Variants in RAB3GAP1 observed in about 807,000 individuals in gnomAD.
The protein encoded by RAB3GAP1 is rab3 GTPase-activating protein catalytic subunit.
Under a neutral mutation model 130.7 loss-of-function variants are expected in RAB3GAP1, and 86 were observed. The observed-to-expected ratio is 0.66, with a 90% CI of 0.55 to 0.79. RAB3GAP1 has a LOEUF of 0.79. RAB3GAP1 is among the 30% of genes least tolerant of loss of function. The pLI is 0.00. For missense variants in RAB3GAP1, 1,029 were observed against 1,169.4 expected, an observed-to-expected ratio of 0.88 and a Z score of 1.75; for synonymous variants, 367 against 401.7, an observed-to-expected ratio of 0.91 and a Z score of 1.03.
chr2:135,159,656 G>T (rs553055305), intron 19 of RAB3GAP1, among the ~76,000 whole-genome samples: 37 of 152,304 alleles, frequency 2.4e-4, no homozygotes, highest in African/African-American at 8.9e-4. Flanking sequence ...AATGACATTA[G>T]ATAAAAACTA....
chr2:135,165,980 T>C (rs867782648), intron 23 of RAB3GAP1, among the ~76,000 whole-genome samples: 19 of 152,162 alleles, frequency 1.2e-4, no homozygotes, highest in Admixed American at 3.3e-4. Context: ...AAGACCAGCC[T>C]GGCCAATGTG....
At chr2:135,136,287 C>T (rs2104952980) in intron 17 of RAB3GAP1, among the ~76,000 whole-genome samples, 1 of 152,202 alleles carries the variant, frequency 6.6e-6, no homozygotes, top group East Asian at 1.9e-4. Flanking sequence ...GATTGCACCA[C>T]TGCACTCCAG....
chr2:135,122,629 T>C (rs1433398422), intron 8 of RAB3GAP1, among the ~76,000 whole-genome samples: 1 of 152,214 alleles, frequency 6.6e-6, no homozygotes, highest in Non-Finnish European at 1.5e-5. Flanking sequence ...ACTGAACATA[T>C]AATATGGATG....
In RAB3GAP1 at chr2:135,091,110, G is replaced by C. The variant is rs754313635; in HGVS notation, c.263G>C (p.Gly88Ala). ...YLVQESTDKE[G>A]KDELLEDVVP... ...GTACAAGAGTCCACTGATAAAGAAG[G>C]AAAGGATGAGTTATTAGAGGGTAAG... Residue 88 changes from glycine to alanine, a missense_variant, in exon 4 of 24, where the codon GGA becomes GCA. Gly to Ala is a moderately conservative substitution (Grantham distance 60). Coordinates refer to ENST00000264158, the MANE Select transcript of RAB3GAP1 (RefSeq NM_012233.3). The C allele has an allele frequency of 1.3e-6, 2 of 1,594,678 alleles. No individual in the cohort carries two copies. Among genetic ancestry groups the C allele is most frequent in the Non-Finnish European group, 1.7e-6 (2 of 1,162,710 alleles).
intron 23 of RAB3GAP1, among the ~76,000 whole-genome samples, chr2:135,166,525 T>A (rs1320482638): frequency 1.3e-5 from 2 of 152,036 alleles, no homozygotes; most frequent in African/African-American, 2.4e-5. Context: ...ATTTTTATAT[T>A]TTTTGTAGGG....
chr2:135,060,256 A>ATTTTTTT (rs60562266), intron 3 of RAB3GAP1, among the ~76,000 whole-genome samples: 39 of 109,856 alleles, frequency 3.6e-4, no homozygotes, highest in African/African-American at 6.4e-4. Flanking sequence ...TAACTGCTTG[A>ATTTTTTT]TTTTTTTTTT....
At chr2:135,129,811 A>G (rs1321950410) in intron 11 of RAB3GAP1, among the ~76,000 whole-genome samples, 184 bp from the exon 12 acceptor site, 1 of 152,196 alleles carries the variant, frequency 6.6e-6, no homozygotes, top group African/African-American at 2.4e-5. Flanking sequence ...ATGGAGAGAA[A>G]GAAAAGAACA....
At chr2:135,159,617 G>T (rs948408874) in intron 19 of RAB3GAP1, among the ~76,000 whole-genome samples, 5 of 152,216 alleles carry the variant, frequency 3.3e-5, no homozygotes, top group Admixed American at 6.5e-5. Context: ...ACATAATGTG[G>T]TATCTTGAAG....
intron 17 of RAB3GAP1, among the ~76,000 whole-genome samples, chr2:135,148,873 C>T (rs979721533): frequency 6.6e-6 from 1 of 151,948 alleles, no homozygotes; most frequent in African/African-American, 2.4e-5. Context: ...TTTCTGTTTG[C>T]TGCTTGGTAG....
intron 2 of RAB3GAP1, among the ~76,000 whole-genome samples, chr2:135,056,608 C>G (rs1029958296): frequency 6.6e-6 from 1 of 152,148 alleles, no homozygotes; most frequent in African/African-American, 2.4e-5. Flanking sequence ...AAGGTAACTT[C>G]CAGTTTTTTT....
intron 5 of RAB3GAP1, among the ~76,000 whole-genome samples, chr2:135,104,699 AAAAT>A (rs59733454): frequency 0.017 from 2,487 of 148,838 alleles, 24 homozygotes; most frequent in Non-Finnish European, 0.018. Flanking sequence ...CTAAAAATAC[AAAAT>A]AAATAAATAA....
chr2:135,056,603 A>G (rs1689018986), intron 2 of RAB3GAP1, among the ~76,000 whole-genome samples: 1 of 152,212 alleles, frequency 6.6e-6, no homozygotes, highest in South Asian at 2.1e-4. Flanking sequence ...GCATTAAGGT[A>G]ACTTCCAGTT....
chr2:135,162,477 G>A, intron 19 of RAB3GAP1, 78 bp from the exon 20 acceptor site: 1 of 1,085,030 alleles, frequency 9.2e-7, no homozygotes, highest in Non-Finnish European at 1.4e-6. Context: ...GAGTGGCTGA[G>A]GATTTGCACT....
intron 5 of RAB3GAP1, among the ~76,000 whole-genome samples, chr2:135,098,143 C>T (rs768162340): frequency 6.6e-6 from 1 of 152,078 alleles, no homozygotes; most frequent in African/African-American, 2.4e-5. Context: ...TTTATATCTT[C>T]TCTGTATTAA....
At chr2:135,151,329 C>A (rs1407759851) in intron 18 of RAB3GAP1, among the ~76,000 whole-genome samples, 1 of 152,198 alleles carries the variant, frequency 6.6e-6, no homozygotes, top group Non-Finnish European at 1.5e-5. Flanking sequence ...TGGCCTCCAC[C>A]TTGCCAATCC....
chr2:135,140,661 G>A (rs1180890872), intron 17 of RAB3GAP1, among the ~76,000 whole-genome samples: 1 of 152,210 alleles, frequency 6.6e-6, no homozygotes, highest in Non-Finnish European at 1.5e-5. Flanking sequence ...TGGGAAGCTT[G>A]TTAGAGGCAC....
At chr2:135,076,349 A>G (rs1057490169) in intron 3 of RAB3GAP1, among the ~76,000 whole-genome samples, 1 of 152,200 alleles carries the variant, frequency 6.6e-6, no homozygotes, top group Non-Finnish European at 1.5e-5. Flanking sequence ...AAGCACCCAT[A>G]TCCTCACTCT....
chr2:135,123,684 C>G (rs981478864), intron 8 of RAB3GAP1, among the ~76,000 whole-genome samples: 1 of 151,950 alleles, frequency 6.6e-6, no homozygotes. Context: ...CTTTTCTGAT[C>G]TTTATATATT....
intron 7 of RAB3GAP1, among the ~76,000 whole-genome samples, chr2:135,117,444 T>TCTTCTTCTTCTTCTG (rs1691007724): frequency 9.3e-6 from 1 of 107,634 alleles, no homozygotes. Context: ...TTCTTCTTCT[T>TCTTCTTCTTCTTCTG]CTTCTTCTTC....
Sources: allele counts gnomAD v4.1 joint callset (sites outside exome capture counted in the v4.1 genomes callset), GRCh38; gene constraint gnomAD v4.1.1; transcripts MANE v1.5; gene names NCBI Gene and HGNC (gene_info 2026-07-23, HGNC 2026-07-21).